RRAGD: variants seen among roughly 807,000 people sequenced by gnomAD.
RRAGD encodes the protein ras-related GTP-binding protein D.
In RRAGD, 12 loss-of-function variants were observed where a neutral mutation model predicts 35.5. The ratio of observed to expected loss-of-function variants is 0.34; its 90% confidence interval spans 0.22 to 0.55. RRAGD has a LOEUF of 0.55. Among genes scored for constraint, RRAGD ranks in the 20% least tolerant of loss-of-function variants. The pLI, the probability that RRAGD is intolerant of heterozygous loss-of-function variation, is 0.91. For missense variants in RRAGD, 324 were observed against 490.1 expected, an observed-to-expected ratio of 0.66 and a Z score of 3.20; for synonymous variants, 155 against 178.9, an observed-to-expected ratio of 0.87 and a Z score of 1.07.
chr6:89,405,285 C>A (rs1056191526), intron 1 of RRAGD, among the ~76,000 whole-genome samples: 1 of 131,194 alleles, frequency 7.6e-6, no homozygotes, highest in Non-Finnish European at 1.5e-5. Context: ...ACCTGGGAGG[C>A]GGAGCTTGCA....
chr6:89,404,691 C>G (rs368287604), intron 1 of RRAGD, among the ~76,000 whole-genome samples: 25 of 152,204 alleles, frequency 1.6e-4, no homozygotes, highest in African/African-American at 6.0e-4. Context: ...CCAGCAGAGC[C>G]CTGTCAAAAA....
intron 1 of RRAGD, among the ~76,000 whole-genome samples, chr6:89,390,391 G>A (rs1452884795): frequency 6.6e-6 from 1 of 152,090 alleles, no homozygotes; most frequent in African/African-American, 2.4e-5. Flanking sequence ...GACACTAAAG[G>A]CCAATACACA....
At chr6:89,381,811 T>C (rs1769048354) in intron 2 of RRAGD, among the ~76,000 whole-genome samples, 1 of 152,188 alleles carries the variant, frequency 6.6e-6, no homozygotes, top group Non-Finnish European at 1.5e-5. Context: ...TATTCCCATG[T>C]ATATGTGATT....
chr6:89,372,579 T>G lies in RRAGD; in HGVS notation c.909A>C (p.Lys303Asn). 1 of 1,529,100 alleles carries G rather than the reference T, an allele frequency of 6.5e-7. No homozygotes were observed. Among genetic ancestry groups the G allele is most frequent in the Non-Finnish European group, 8.8e-7 (1 of 1,142,628 alleles). The allele number at this position is 1,529,100 out of a possible 1,614,324, so 94.7% of individuals were successfully genotyped here. A position where few individuals can be genotyped will look rare whatever the true frequency, so the allele number is the denominator to read the frequency against. ...VIDISCIYGL[K>N]EDGAGTPYDK... ...CATAGGGGGTTCCTGCTCCATCTTC[T>G]TTGAGACTAAATGGGGACAGAAACC... Residue 303 changes from lysine to asparagine, a missense_variant, in exon 6 of 7, where the codon AAA becomes AAC. This residue lies in a region of RRAGD where 152 missense variants were observed against 296.9 expected (regional missense o/e 0.51). Coordinates refer to ENST00000369415, the MANE Select transcript of RRAGD (RefSeq NM_021244.5).
chr6:89,392,507 T>C (rs1366855355), intron 1 of RRAGD, among the ~76,000 whole-genome samples: 2 of 150,762 alleles, frequency 1.3e-5, no homozygotes, highest in South Asian at 4.2e-4. Flanking sequence ...ATATAAAATA[T>C]AGAGATGTAT....
chr6:89,408,696 T>G (rs1399840370), intron 1 of RRAGD, among the ~76,000 whole-genome samples: 1 of 152,158 alleles, frequency 6.6e-6, no homozygotes, highest in East Asian at 1.9e-4. Flanking sequence ...GTGAGCAGCT[T>G]ACGTTAGCCA....
chr6:89,371,101 CTA>C (rs907095949), intron 6 of RRAGD, among the ~76,000 whole-genome samples: 4 of 150,430 alleles, frequency 2.7e-5, no homozygotes, highest in Non-Finnish European at 5.9e-5. Flanking sequence ...GAATATAAAA[CTA>C]TATTAGACAA....
At position 89,380,332 on chromosome 6, in the gene RRAGD, G is replaced by C; in HGVS notation, c.480C>G (p.Leu160=). ...DYMEALARLH[L]TVTRAYKVNT... ...TCACTTTGTAGGCCCTGGTCACCGT[G>C]AGGTGGAGCCTGGCCAGGGCTTCCA... The change falls in exon 3 of 7, where the codon CTC becomes CTG. Residue 160 remains leucine, a synonymous_variant. Coordinates refer to ENST00000369415, the MANE Select transcript of RRAGD (RefSeq NM_021244.5). 1 of 1,614,230 alleles carries C rather than the reference G, an allele frequency of 6.2e-7. No homozygotes were observed. The highest frequency in any genetic ancestry group is 8.5e-7 in the Non-Finnish European group (1 of 1,180,046).
At chr6:89,389,712 G>A (rs995318350) in intron 1 of RRAGD, among the ~76,000 whole-genome samples, 1 of 152,150 alleles carries the variant, frequency 6.6e-6, no homozygotes, top group Non-Finnish European at 1.5e-5. Flanking sequence ...AATTGACCAA[G>A]AGCGTGTATA....
chr6:89,378,451 C>T (rs1019616866), intron 4 of RRAGD, among the ~76,000 whole-genome samples: 2 of 152,156 alleles, frequency 1.3e-5, no homozygotes, highest in Non-Finnish European at 2.9e-5. Flanking sequence ...TTAAAATAAG[C>T]TTAGAAACAC....
intron 1 of RRAGD, among the ~76,000 whole-genome samples, chr6:89,399,259 C>T (rs529298665): frequency 4.6e-5 from 7 of 152,276 alleles, no homozygotes; most frequent in African/African-American, 1.7e-4. Context: ...TGCATGTTTA[C>T]ATACACAGAA....
chr6:89,403,412 C>A (rs895280648), intron 1 of RRAGD, among the ~76,000 whole-genome samples: 7 of 151,712 alleles, frequency 4.6e-5, no homozygotes, highest in African/African-American at 1.7e-4. Flanking sequence ...GCCACTGCAC[C>A]CCAGCCTGGG....
rs1768756208 is a variant in RRAGD, at chr6:89,366,708, G to A, written c.*1348C>T. The A allele has an allele frequency of 6.6e-6, 1 of 151,912 alleles. No homozygotes were observed. The highest frequency in any genetic ancestry group is 2.4e-5 in the African/African-American group (1 of 41,348). 9.4% of individuals were successfully genotyped at this position (151,912 alleles called of 1,614,324 possible). A position where few individuals can be genotyped will look rare whatever the true frequency, so the allele number is the denominator to read the frequency against. The stretch of plus-strand genomic sequence containing the variant: ...GAGATGCACGTAAAATTATCTACTT[G>A]GAATGATTTGGCATAGGGGTAGATT... On this transcript the variant is annotated 3_prime_UTR_variant, in exon 7 of 7. Transcript: ENST00000369415.
intron 1 of RRAGD, among the ~76,000 whole-genome samples, chr6:89,396,317 A>C (rs557974117): frequency 6.6e-6 from 1 of 152,366 alleles, no homozygotes; most frequent in South Asian, 2.1e-4. Flanking sequence ...GACAAGACAC[A>C]GACTAGAAGA....
At chr6:89,389,555 CA>C (rs767352705) in intron 1 of RRAGD, among the ~76,000 whole-genome samples, 412 of 58,186 alleles carry the variant, frequency 7.1e-3, no homozygotes, top group African/African-American at 0.019. Flanking sequence ...GACTCCGTCT[CA>C]AAAAAAAAAA....
At position 89,412,059 on chromosome 6, in the gene RRAGD, C is replaced by T; in HGVS notation, c.-66G>A. ...CGGGGTGGGGGCCAAGCCTCCTAGC[C>T]GGCCGCCCGCAGCCTATTTCTGAAG... is the stretch of plus-strand genomic sequence containing the variant. On this transcript the variant is annotated 5_prime_UTR_variant, in exon 1 of 7. Coordinates refer to ENST00000369415, the MANE Select transcript of RRAGD (RefSeq NM_021244.5). This position sits in a 1 kb window ranked among gnomAD's most constrained non-coding sequence, Gnocchi z 4.2. The T allele has an allele frequency of 1.4e-6, 2 of 1,441,004 alleles. No homozygotes were observed. The highest frequency in any genetic ancestry group is 2.7e-5 in the East Asian group (1 of 36,938). 89.3% of individuals were successfully genotyped at this position (1,441,004 alleles called of 1,614,324 possible). A position where few individuals can be genotyped will look rare whatever the true frequency, so the allele number is the denominator to read the frequency against.
At chr6:89,382,421 A>ATATATATG (rs1554203630) in intron 2 of RRAGD, among the ~76,000 whole-genome samples, 1 of 146,624 alleles carries the variant, frequency 6.8e-6, no homozygotes, top group Non-Finnish European at 1.5e-5. Context: ...ATATATATAT[A>ATATATATG]TGTAATTAAC....
chr6:89,372,458 C>G lies in RRAGD; in HGVS notation c.1030G>C (p.Glu344Gln). Residue 344 changes from glutamate (E) to glutamine (Q), a missense_variant, in exon 6 of 7, where the codon GAG becomes CAG. By Grantham distance (29) the Glu-to-Gln change is conservative. Transcript: ENST00000369415. The part of the protein sequence containing the change: ...KFLALVCFVR[E>Q]ESFERKGLID... ...TTACCTTTTCTTTCAAAGCTTTCCTCTCTGACAAAGCAAACGAGAGCCAGG... is the reference window on the plus strand; with the variant it reads ...TTACCTTTTCTTTCAAAGCTTTCCTGTCTGACAAAGCAAACGAGAGCCAGG... The G allele has an allele frequency of 3.1e-6, 5 of 1,613,548 alleles. No individual in the cohort carries two copies. Among genetic ancestry groups the G allele is most frequent in the Non-Finnish European group, 4.2e-6 (5 of 1,179,816 alleles).
chr6:89,407,429 G>A (rs977997301), intron 1 of RRAGD, among the ~76,000 whole-genome samples: 3 of 152,212 alleles, frequency 2.0e-5, no homozygotes, highest in Non-Finnish European at 4.4e-5. Flanking sequence ...CTTGAGGTCA[G>A]GAGTTTAAGA....
Sources: allele counts gnomAD v4.1 joint callset (sites outside exome capture counted in the v4.1 genomes callset), GRCh38; gene constraint gnomAD v4.1.1; regional missense constraint gnomAD v4.1.1; non-coding constraint Gnocchi (gnomAD v3.1); transcripts MANE v1.5; gene names NCBI Gene and HGNC (gene_info 2026-07-23, HGNC 2026-07-21).